The following MARCHF10 variants were observed in gnomAD, a reference collection of about 807,000 sequenced individuals.
MARCHF10 encodes probable E3 ubiquitin-protein ligase MARCHF10.
MARCHF10 carries 64 observed loss-of-function variants against 76.2 expected under a neutral mutation model. That is an observed-to-expected ratio of 0.84 (90% confidence interval 0.69 to 1.03). The LOEUF (loss-of-function observed/expected upper bound fraction) is 1.03. Among genes scored for constraint, MARCHF10 ranks in the 50% least tolerant of loss-of-function variants. MARCHF10 has a pLI of 0.00. For synonymous variants in MARCHF10, 340 were observed against 357.5 expected, an observed-to-expected ratio of 0.95 and a Z score of 0.55; for missense variants, 875 against 958.0, an observed-to-expected ratio of 0.91 and a Z score of 1.14.
chr17:62,772,274 G>A (rs2092462751), intron 3 of MARCHF10, among the ~76,000 whole-genome samples: 1 of 152,056 alleles, frequency 6.6e-6, no homozygotes, highest in South Asian at 2.1e-4. Context: ...TTATAAAGGG[G>A]AGTTTCCCTG....
chr17:62,729,886 T>A (rs1052539406), intron 6 of MARCHF10, among the ~76,000 whole-genome samples: 7 of 152,098 alleles, frequency 4.6e-5, no homozygotes, highest in African/African-American at 1.7e-4. Flanking sequence ...CAAATATTTT[T>A]AAAAAACCAT....
intron 4 of MARCHF10, among the ~76,000 whole-genome samples, chr17:62,754,778 G>C (rs1426432805): frequency 6.6e-6 from 1 of 152,002 alleles, no homozygotes. Context: ...TAAATTGTTT[G>C]TTTTTTTCTA....
chr17:62,725,633 C>T (rs1038699289), intron 6 of MARCHF10, among the ~76,000 whole-genome samples: 1 of 152,190 alleles, frequency 6.6e-6, no homozygotes, highest in Non-Finnish European at 1.5e-5. Context: ...GGAGGACCAG[C>T]ACTGCCACCA....
At chr17:62,724,850 C>T (rs945269005) in intron 7 of MARCHF10, 88 bp downstream of exon 7, 91 of 1,432,674 alleles carry the variant, frequency 6.4e-5, no homozygotes, top group Non-Finnish European at 8.6e-5. Context: ...GGAGAGTGAG[C>T]TGATGACAAG....
chr17:62,807,522 A>G (rs1048127810), intron 1 of MARCHF10, among the ~76,000 whole-genome samples: 1 of 152,212 alleles, frequency 6.6e-6, no homozygotes, highest in African/African-American at 2.4e-5. Flanking sequence ...AGGAAACGTC[A>G]CAGGTTTGAC....
rs1023164138 is a variant in MARCHF10, at chr17:62,702,653, G to A, written c.2372-895C>T. ...TGCACTTCAGCCTGGGTGACAGAGC[G>A]AGACTCCATCTCAAAAAGAAAAATA... is the stretch of plus-strand genomic sequence containing the variant. On this transcript the variant is annotated intron_variant, in intron 10 of 10. Transcript: ENST00000311269. Among the ~76,000 whole-genome samples, 14 of 152,018 alleles carry A rather than the reference G, an allele frequency of 9.2e-5. No individual in the cohort carries two copies. In the South Asian group the frequency reaches 1.0e-3, roughly 11 times the overall value.
intron 10 of MARCHF10, among the ~76,000 whole-genome samples, chr17:62,702,130 G>A (rs760353481): frequency 2.6e-5 from 4 of 152,258 alleles, no homozygotes; most frequent in Non-Finnish European, 5.9e-5. Flanking sequence ...AAGGGGGAAC[G>A]GACCCAGGTG....
intron 4 of MARCHF10, among the ~76,000 whole-genome samples, chr17:62,749,094 C>T (rs2091808779): frequency 6.6e-6 from 1 of 152,168 alleles, no homozygotes; most frequent in South Asian, 2.1e-4. Context: ...GTGATGCCTC[C>T]AGTTTTAAAG....
chr17:62,727,244 G>C (rs2090800251), intron 6 of MARCHF10, among the ~76,000 whole-genome samples: 1 of 152,074 alleles, frequency 6.6e-6, no homozygotes, highest in Admixed American at 6.5e-5. Context: ...GGTATAGGTG[G>C]GGATCCACTG....
intron 3 of MARCHF10, among the ~76,000 whole-genome samples, chr17:62,783,507 G>T (rs558936221): frequency 6.6e-6 from 1 of 151,912 alleles, no homozygotes; most frequent in Non-Finnish European, 1.5e-5. Flanking sequence ...CTAGCAGAAG[G>T]CAAGAAATAA....
At chr17:62,784,948 G>C (rs1029734863) in intron 3 of MARCHF10, among the ~76,000 whole-genome samples, 1 of 152,090 alleles carries the variant, frequency 6.6e-6, no homozygotes, top group African/African-American at 2.4e-5. Context: ...TGGCCATATT[G>C]CCCAAGGTAA....
Position 62,721,058 on chromosome 17 carries a change from G to C in MARCHF10, c.2214+1430C>G, listed in dbSNP as rs572546927. ...AATTTTTGTATTTTTAGTAGAGATG[G>C]GGGTTTCGCTGTGTTGGCCACGCTG... On this transcript the variant is annotated intron_variant, in intron 8 of 10. Transcript: ENST00000311269. Among the ~76,000 whole-genome samples, 5 of 151,896 alleles carry C rather than the reference G, an allele frequency of 3.3e-5. No homozygotes were observed. The East Asian group carries it at 7.8e-4, about 24-fold the overall frequency.
rs201545139 is a variant in MARCHF10 at position 62,801,758 on chromosome 17, C to T, written c.-17-6G>A. The T allele has an allele frequency of 2.0e-4, 325 of 1,601,442 alleles. No homozygotes were observed. Among genetic ancestry groups the T allele is most frequent in the South Asian group, 1.7e-4 (15 of 90,820 alleles). On this transcript the variant is annotated splice_polypyrimidine_tract_variant and splice_region_variant and intron_variant, in intron 1 of 10. Coordinates refer to ENST00000311269, the MANE Select transcript of MARCHF10 (RefSeq NM_152598.4). The stretch of plus-strand genomic sequence containing the variant: ...CATGATTCCTAATCCCTGACCTGCA[C>T]AGAAAAGATAAACAAATGTGCTGTG...
intron 8 of MARCHF10, among the ~76,000 whole-genome samples, chr17:62,719,672 C>T (rs2090387898): frequency 6.6e-6 from 1 of 151,864 alleles, no homozygotes; most frequent in African/African-American, 2.4e-5. Context: ...TCGGTGTTCT[C>T]TGAGCTTTCT....
At chr17:62,778,277 A>G (rs975373440) in intron 3 of MARCHF10, among the ~76,000 whole-genome samples, 2 of 152,266 alleles carry the variant, frequency 1.3e-5, no homozygotes, top group African/African-American at 4.8e-5. Context: ...CAGGCACACA[A>G]GGGCCTTGGG....
Position 62,701,325 on chromosome 17 carries a change from T to G in MARCHF10, c.*378A>C. On this transcript the variant is annotated 3_prime_UTR_variant, in exon 11 of 11. Transcript: ENST00000311269. Reference sequence around the variant, plus strand: ...AACATGAACGAAGCTGGGAGAATAATGTCAGTTTACTGAATGAATACATGG... The same window carrying G: ...AACATGAACGAAGCTGGGAGAATAAGGTCAGTTTACTGAATGAATACATGG... 4.1e-6 allele frequency: 1 copy of G among 244,532 alleles called. No individual in the cohort carries two copies. The highest frequency in any genetic ancestry group is 8.1e-6 in the Non-Finnish European group (1 of 123,712). The allele number at this position is 244,532 out of a possible 1,614,324, so 15.1% of individuals were successfully genotyped here.
rs1369368294 is a variant in MARCHF10, at chr17:62,737,341, A to C, written c.536-9T>G. ...TTGTTGAACTACTTGATCTGCATTG[A>C]GAAAAGACACATTTATCGTTCCAGT... On this transcript the variant is annotated splice_polypyrimidine_tract_variant and intron_variant, in intron 5 of 10. Transcript: ENST00000311269. The C allele has an allele frequency of 6.3e-7, 1 of 1,599,814 alleles. No individual in the cohort carries two copies. Among genetic ancestry groups the C allele is most frequent in the Admixed American group, 1.8e-5 (1 of 55,002 alleles).
chr17:62,791,392 C>T (rs2092839918), intron 2 of MARCHF10, among the ~76,000 whole-genome samples: 1 of 152,176 alleles, frequency 6.6e-6, no homozygotes, highest in African/African-American at 2.4e-5. Context: ...AGCAAATGCA[C>T]CAGGACCAAG....
intron 10 of MARCHF10, among the ~76,000 whole-genome samples, chr17:62,702,824 G>GCCC (rs912145317): frequency 7.2e-5 from 11 of 152,110 alleles, no homozygotes; most frequent in Admixed American, 1.3e-4. Context: ...CCCCTGAGCT[G>GCCC]CCCCCATCCC....
Sources: allele counts gnomAD v4.1 joint callset (sites outside exome capture counted in the v4.1 genomes callset), GRCh38; gene constraint gnomAD v4.1.1; transcripts MANE v1.5; gene names NCBI Gene and HGNC (gene_info 2026-07-23, HGNC 2026-07-21).